The following CAMKMT variants were observed in gnomAD, a reference collection of about 807,000 sequenced individuals.
CAMKMT encodes the protein CaM KMT.
Under a neutral mutation model 48.0 loss-of-function variants are expected in CAMKMT, and 53 were observed. That is an observed-to-expected ratio of 1.10 (90% CI 0.89 to 1.39). The LOEUF (loss-of-function observed/expected upper bound fraction) is 1.39, where lower values mean the gene tolerates loss of function less well. Ranked by LOEUF, CAMKMT falls within the 40% of genes most tolerant of loss-of-function variation. CAMKMT has a pLI of 0.00. For synonymous variants in CAMKMT, 165 were observed against 152.3 expected (o/e 1.08, Z -0.61); for missense variants, 428 against 402.7 (o/e 1.06, Z -0.54).
chr2:44,628,139 C>T (rs1424482485), intron 3 of CAMKMT, among the ~76,000 whole-genome samples: 1 of 152,036 alleles, frequency 6.6e-6, no homozygotes. Context: ...GTAGAGATGG[C>T]ATCTCACTAT....
chr2:44,693,839 G>C (rs1558800497), intron 3 of CAMKMT, among the ~76,000 whole-genome samples: 1 of 152,214 alleles, frequency 6.6e-6, no homozygotes, highest in African/African-American at 2.4e-5. Context: ...AAGGTTTGAT[G>C]GCTTAGCTAA....
intron 3 of CAMKMT, among the ~76,000 whole-genome samples, chr2:44,397,578 T>C (rs1278432255): frequency 6.6e-6 from 1 of 152,114 alleles, no homozygotes; most frequent in African/African-American, 2.4e-5. Flanking sequence ...CGGTTTTTTC[T>C]TTTGGCTCAA....
chr2:44,405,424 G>C (rs1195694711), intron 3 of CAMKMT, among the ~76,000 whole-genome samples: 1 of 151,972 alleles, frequency 6.6e-6, no homozygotes, highest in Non-Finnish European at 1.5e-5. Context: ...TGTATTTTTA[G>C]GTGTTGAGTA....
intron 9 of CAMKMT, among the ~76,000 whole-genome samples, chr2:44,760,610 C>CA (rs1162341532): frequency 0.032 from 1,941 of 59,760 alleles, 47 homozygotes; most frequent in East Asian, 0.092. Flanking sequence ...GATTCCATCT[C>CA]AAAAAAAAAA....
chr2:44,362,354 G>A (rs557765266), intron 1 of CAMKMT, among the ~76,000 whole-genome samples: 37 of 152,304 alleles, frequency 2.4e-4, no homozygotes, highest in Non-Finnish European at 4.9e-4. Context: ...GAGCGGGACA[G>A]CCAAGGCTGA....
intron 6 of CAMKMT, among the ~76,000 whole-genome samples, chr2:44,712,352 T>A (rs903004554): frequency 7.2e-5 from 11 of 152,100 alleles, no homozygotes; most frequent in Non-Finnish European, 1.6e-4. Context: ...ACTCTCAAAA[T>A]ATATATATAA....
At chr2:44,718,499 G>A (rs575297059) in intron 7 of CAMKMT, among the ~76,000 whole-genome samples, 1 of 152,160 alleles carries the variant, frequency 6.6e-6, no homozygotes, top group Non-Finnish European at 1.5e-5. Flanking sequence ...AATAATTCTT[G>A]AACAAAGGAA....
intron 3 of CAMKMT, among the ~76,000 whole-genome samples, chr2:44,459,014 T>G (rs1378828801): frequency 1.3e-5 from 2 of 152,030 alleles, no homozygotes; most frequent in African/African-American, 4.8e-5. Flanking sequence ...AAATTCAACA[T>G]GCACCACCAA....
chr2:44,396,815 C>CT (rs1216663281), intron 3 of CAMKMT, among the ~76,000 whole-genome samples: 3 of 151,296 alleles, frequency 2.0e-5, no homozygotes, highest in Non-Finnish European at 4.4e-5. Flanking sequence ...AATCCCAGCA[C>CT]TTTGGGAAGC....
At chr2:44,406,119 T>C (rs948488701) in intron 3 of CAMKMT, among the ~76,000 whole-genome samples, 2 of 152,146 alleles carry the variant, frequency 1.3e-5, no homozygotes, top group African/African-American at 4.8e-5. Flanking sequence ...AAAAGAAATG[T>C]ATTGGAAAGA....
chr2:44,428,690 T>C (rs768644322), intron 3 of CAMKMT, among the ~76,000 whole-genome samples: 5 of 152,236 alleles, frequency 3.3e-5, no homozygotes, highest in Non-Finnish European at 7.3e-5. Context: ...TATATGTATG[T>C]ATGTCTGTAT....
At chr2:44,564,416 C>T (rs1454514466) in intron 3 of CAMKMT, among the ~76,000 whole-genome samples, 2 of 152,146 alleles carry the variant, frequency 1.3e-5, no homozygotes, top group African/African-American at 2.4e-5. Flanking sequence ...CTCAACTGAT[C>T]CACCTGCCTC....
chr2:44,710,073 T>C (rs1267485101), intron 6 of CAMKMT, among the ~76,000 whole-genome samples: 2 of 152,032 alleles, frequency 1.3e-5, no homozygotes, highest in African/African-American at 4.8e-5. Flanking sequence ...TCTTAGTCTC[T>C]TAAGCTTCTA....
At chr2:44,379,008 C>T (rs1183449263) in intron 2 of CAMKMT, among the ~76,000 whole-genome samples, 1 of 152,216 alleles carries the variant, frequency 6.6e-6, no homozygotes, top group Non-Finnish European at 1.5e-5. Flanking sequence ...GCCTTCACCA[C>T]TATTCCAGAA....
chr2:44,736,611 C>T (rs1359407347), intron 7 of CAMKMT, among the ~76,000 whole-genome samples: 2 of 152,124 alleles, frequency 1.3e-5, no homozygotes, highest in South Asian at 2.1e-4. Flanking sequence ...TCTGTTGTCT[C>T]CCTTCTCCTA....
intron 6 of CAMKMT, among the ~76,000 whole-genome samples, chr2:44,714,762 T>C (rs575737190): frequency 7.9e-5 from 12 of 152,170 alleles, no homozygotes; most frequent in Non-Finnish European, 1.3e-4. Flanking sequence ...CTCATAACTC[T>C]GGGGCTTGCC....
intron 2 of CAMKMT, among the ~76,000 whole-genome samples, chr2:44,385,266 G>T (rs1294367116): frequency 6.6e-6 from 1 of 151,726 alleles, no homozygotes. Context: ...TTGAGTTCTT[G>T]ATTTGATTCT....
In CAMKMT at chr2:44,631,466, AC is replaced by A. The variant is rs548651602; in HGVS notation, c.377-72816del. On this transcript the variant is annotated intron_variant, in intron 3 of 10. Transcript: ENST00000378494. ...CAAAGAGTTTAAATAAGAAAAAAAA[AC>A]AATTTTTTATTTTTTTTGTACAGAT... is the stretch of plus-strand genomic sequence containing the variant. 1.0e-3 allele frequency: 624 copies of A among 601,642 alleles called. 1 individual carries two copies. Among genetic ancestry groups the A allele is most frequent in the Non-Finnish European group, 1.6e-3 (540 of 340,390 alleles). 37.3% of individuals were successfully genotyped at this position (601,642 alleles called of 1,614,324 possible).
intron 3 of CAMKMT, among the ~76,000 whole-genome samples, chr2:44,675,530 A>G (rs1675633745): frequency 6.6e-6 from 1 of 152,052 alleles, no homozygotes; most frequent in South Asian, 2.1e-4. Flanking sequence ...AGAAACTAAT[A>G]TTTATTGACA....
Sources: allele counts gnomAD v4.1 joint callset (sites outside exome capture counted in the v4.1 genomes callset), GRCh38; gene constraint gnomAD v4.1.1; transcripts MANE v1.5; gene names NCBI Gene and HGNC (gene_info 2026-07-23, HGNC 2026-07-21).